SPTAN1: variants seen among roughly 807,000 people sequenced by gnomAD.
SPTAN1 encodes the protein spectrin alpha, non-erythrocytic 1.
In SPTAN1, 61 loss-of-function variants were observed where a neutral mutation model predicts 331.3. That is an observed-to-expected ratio of 0.18 (90% CI 0.15 to 0.23). The LOEUF is 0.23. Among genes scored for constraint, SPTAN1 ranks in the 10% least tolerant of loss-of-function variants. The pLI is 1.00. For synonymous variants in SPTAN1, 1,153 were observed against 1,173.9 expected (o/e 0.98, Z 0.36); for missense variants, 2,043 against 3,147.9 (o/e 0.65, Z 8.40).
chr9:128,571,325 C>T (rs1320410171), intron 3 of SPTAN1, among the ~76,000 whole-genome samples: 3 of 151,772 alleles, frequency 2.0e-5, no homozygotes, highest in African/African-American at 7.3e-5. Flanking sequence ...TGGCTCATGC[C>T]TGTAATCCTA....
At chr9:128,626,238 G>T (rs1858714510) in intron 48 of SPTAN1, 153 bp from the exon 49 acceptor site, 2 of 1,069,128 alleles carry the variant, frequency 1.9e-6, no homozygotes, top group African/African-American at 1.6e-5. Context: ...AAGACTTGAA[G>T]GGGGAGCAGG....
Position 128,603,589 on chromosome 9 carries a change from A to G in SPTAN1, c.3626A>G (p.Lys1209Arg). 6.2e-7 allele frequency: 1 copy of G among 1,614,172 alleles called. No homozygotes were observed. Among genetic ancestry groups the G allele is most frequent in the Non-Finnish European group, 8.5e-7 (1 of 1,180,024 alleles). ...VHTVATFNSI[K>R]ELNERWRSLQ... The stretch of plus-strand genomic sequence containing the variant: ...ACCGTGGCCACCTTTAATTCCATCA[A>G]GGTAAGAAGCAGTGACCAGCTCCTC... The change falls in exon 28 of 57, where the codon AAG becomes AGG. Residue 1209 changes from lysine to arginine, a missense_variant and splice_region_variant. Lys to Arg is a conservative substitution (Grantham distance 26). Around this residue, in one of 12 missense-constraint regions of SPTAN1, gnomAD observed 1,038 missense variants for 1,531.5 expected, o/e 0.68. Coordinates refer to ENST00000372739, the MANE Select transcript of SPTAN1 (RefSeq NM_001130438.3).
Position 128,626,234 on chromosome 9 carries a change from T to TG in SPTAN1, c.6280-156dup, listed in dbSNP as rs974901336. On this transcript the variant is annotated intron_variant, in intron 48 of 56. Transcript: ENST00000372739. ...AGGGGAAAAAAGGCTGGTGAAGACT[T>TG]GAAGGGGGAGCAGGAGACAGGAGCA... is the stretch of plus-strand genomic sequence containing the variant. The TG allele has an allele frequency of 1.6e-5, 17 of 1,061,038 alleles. No individual in the cohort carries two copies. In the African/African-American group the frequency reaches 2.3e-4, roughly 15 times the overall value. 65.7% of individuals were successfully genotyped at this position (1,061,038 alleles called of 1,614,324 possible). A position where few individuals can be genotyped will look rare whatever the true frequency, so the allele number is the denominator to read the frequency against.
At chr9:128,620,431 CTGGGGCCAGGTGCGGTGG>C (rs899684121) in intron 44 of SPTAN1, among the ~76,000 whole-genome samples, 1 of 152,166 alleles carries the variant, frequency 6.6e-6, no homozygotes, top group African/African-American at 2.4e-5. Flanking sequence ...AGGAAAAGAC[CTGGGGCCAGGTGCGGTGG>C]CTCACACCTG....
chr9:128,622,625 G>A (rs540764031), intron 45 of SPTAN1, among the ~76,000 whole-genome samples: 1 of 152,042 alleles, frequency 6.6e-6, no homozygotes, highest in Non-Finnish European at 1.5e-5. Context: ...TGTCCTCAGC[G>A]ACAGCCTGTT....
At chr9:128,594,521 C>T in intron 24 of SPTAN1, 148 bp downstream of exon 24, 1 of 776,752 alleles carries the variant, frequency 1.3e-6, no homozygotes, top group South Asian at 1.7e-5. Context: ...ACCTCTGCCT[C>T]CTGGGTTCAA....
chr9:128,565,768 T>G (rs1305818350), intron 1 of SPTAN1, among the ~76,000 whole-genome samples: 2 of 152,232 alleles, frequency 1.3e-5, no homozygotes, highest in Non-Finnish European at 2.9e-5. Flanking sequence ...AACACAATTT[T>G]ATACCTTTTA....
chr9:128,572,461 A>G (rs960054214), intron 3 of SPTAN1, among the ~76,000 whole-genome samples: 3 of 95,156 alleles, frequency 3.2e-5, no homozygotes, highest in Non-Finnish European at 6.3e-5. Flanking sequence ...GTACTGGGAC[A>G]GGCCTTGCCC....
Position 128,619,100 on chromosome 9 carries a change from C to G in SPTAN1, c.5733+97C>G. The G allele has an allele frequency of 2.6e-6, 4 of 1,560,674 alleles. No homozygotes were observed. The South Asian group carries it at 3.4e-5, about 13-fold the overall frequency. On this transcript the variant is annotated intron_variant, in intron 44 of 56. Coordinates refer to ENST00000372739, the MANE Select transcript of SPTAN1 (RefSeq NM_001130438.3). ...GGTTTGTTAGAGGGCCCTGCTCTTA[C>G]TAGGAGAGCACACAGGGCCAGCAGC...
At chr9:128,582,077 G>C (rs1210648878) in intron 12 of SPTAN1, 185 bp downstream of exon 12, 6 of 629,790 alleles carry the variant, frequency 9.5e-6, no homozygotes, top group Admixed American at 8.2e-5. Flanking sequence ...ATGGAAAAAT[G>C]ATTTACTTAA....
chr9:128,556,890 G>T (rs965452639), intron 1 of SPTAN1, among the ~76,000 whole-genome samples: 9 of 152,174 alleles, frequency 5.9e-5, no homozygotes, highest in Non-Finnish European at 1.2e-4. Flanking sequence ...GAATCAACTG[G>T]TATACAATTT....
At chr9:128,593,817 C>G (rs1853858115) in intron 23 of SPTAN1, 1 of 328,242 alleles carries the variant, frequency 3.0e-6, no homozygotes, top group Non-Finnish European at 6.0e-6. Context: ...TTCTGCCCAG[C>G]AAGTTCATCT....
rs149775363 is a variant in SPTAN1 at position 128,572,834 on chromosome 9, G to GT, written c.364-1840dup. On this transcript the variant is annotated intron_variant, in intron 3 of 56. Transcript: ENST00000372739. ...CGGGTCCCACATCCGAGTAGGTGGA[G>GT]TATTGACTTGGTTGCCTTTTCCCCC... Among the ~76,000 whole-genome samples the GT allele has an allele frequency of 2.8e-3, 424 of 152,244 alleles. 9 individuals are homozygous for GT. The East Asian group carries it at 0.041, about 15-fold the overall frequency.
chr9:128,573,643 G>A (rs1850974650), intron 3 of SPTAN1, among the ~76,000 whole-genome samples: 2 of 151,960 alleles, frequency 1.3e-5, no homozygotes, highest in African/African-American at 4.8e-5. Context: ...TTTTAGTAGA[G>A]ACGGGTTTCA....
At position 128,632,903 on chromosome 9, in the gene SPTAN1, G is replaced by A. The variant is rs772995493; in HGVS notation, c.7256G>A (p.Arg2419Gln). Residue 2419 changes from arginine to glutamine, a missense_variant, in exon 56 of 57, where the codon CGG becomes CAG. Around this residue, in one of 12 missense-constraint regions of SPTAN1, gnomAD observed 88 missense variants for 96.5 expected, o/e 0.91. Coordinates refer to ENST00000372739, the MANE Select transcript of SPTAN1 (RefSeq NM_001130438.3). ...KSSEEIESAFRALSSEGKPYV... is the reference protein window; with the variant it reads ...KSSEEIESAFQALSSEGKPYV... ...AGCGAGGAGATTGAGAGCGCCTTCC[G>A]GGCCCTCAGCTCAGAGGGAAAGCCT... is the stretch of plus-strand genomic sequence containing the variant. The A allele has an allele frequency of 1.6e-5, 26 of 1,613,626 alleles. No homozygotes were observed. Among genetic ancestry groups the A allele is most frequent in the East Asian group, 2.2e-5 (1 of 44,886 alleles).
intron 1 of SPTAN1, among the ~76,000 whole-genome samples, chr9:128,558,631 C>G (rs1317799517): frequency 6.6e-6 from 1 of 152,104 alleles, no homozygotes; most frequent in Admixed American, 6.5e-5. Flanking sequence ...CAGATTTTTC[C>G]TTTCTGGTGC....
At position 128,627,952 on chromosome 9, in the gene SPTAN1, G is replaced by T. The variant is rs374760508; in HGVS notation, c.6707+10G>T. The stretch of plus-strand genomic sequence containing the variant: ...CATACCTCCTCGATGGGTTAATATT[G>T]TTTTCTTCCTTCTCTGGGCTTGTCA... On this transcript the variant is annotated intron_variant, in intron 51 of 56. Coordinates refer to ENST00000372739, the MANE Select transcript of SPTAN1 (RefSeq NM_001130438.3). The surrounding 1 kb of genome is among the most constrained non-coding windows in gnomAD (Gnocchi z 4.9). The T allele has an allele frequency of 1.2e-6, 2 of 1,614,140 alleles. No individual in the cohort carries two copies. Among genetic ancestry groups the T allele is most frequent in the Admixed American group, 3.3e-5 (2 of 60,018 alleles).
intron 23 of SPTAN1, 89 bp downstream of exon 23, chr9:128,593,131 C>G: frequency 7.1e-7 from 1 of 1,417,906 alleles, no homozygotes; most frequent in Non-Finnish European, 9.8e-7. Flanking sequence ...GGCCTTTGTC[C>G]ATCCAGAAAG....
At chr9:128,581,146 G>C (rs1219081801) in intron 11 of SPTAN1, 87 bp downstream of exon 11, 3 of 1,567,858 alleles carry the variant, frequency 1.9e-6, no homozygotes, top group Non-Finnish European at 2.6e-6. Flanking sequence ...TTTGTTTTAG[G>C]ACATCAGTAC....
Sources: gnomAD v4.1 joint callset for allele counts (sites outside exome capture counted in the v4.1 genomes callset) on GRCh38, gnomAD v4.1.1 for gene constraint, gnomAD v4.1.1 regional missense constraint, Gnocchi (gnomAD v3.1) non-coding constraint, MANE v1.5 for transcripts, NCBI Gene and HGNC (gene_info 2026-07-23, HGNC 2026-07-21) for gene names.